The following LHFPL6 variants were observed in gnomAD, a reference collection of about 807,000 sequenced individuals.
The protein encoded by LHFPL6 is LHFPL tetraspan subfamily member 6, also known as LHFPL tetraspan subfamily member 6 protein.
Under a neutral mutation model 20.6 loss-of-function variants are expected in LHFPL6, and 9 were observed. The ratio of observed to expected loss-of-function variants is 0.44; its 90% CI spans 0.26 to 0.76. The LOEUF is 0.76. Among genes scored for constraint, LHFPL6 ranks in the 30% least tolerant of loss-of-function variants. The probability of loss-of-function intolerance (pLI) is 0.20; values close to 1 mark genes in which losing one functional copy is unlikely to be tolerated. For synonymous variants in LHFPL6, 105 were observed against 98.7 expected, an observed-to-expected ratio of 1.06 and a Z score of -0.38; for missense variants, 218 against 253.5, an observed-to-expected ratio of 0.86 and a Z score of 0.95.
chr13:39,587,144 T>G (rs1283353047), intron 2 of LHFPL6, among the ~76,000 whole-genome samples: 1 of 117,218 alleles, frequency 8.5e-6, no homozygotes, highest in Middle Eastern at 4.2e-3. Flanking sequence ...GCAATAAGAG[T>G]GAAACTCCGT....
At chr13:39,563,097 C>CACAT (rs1259373719) in intron 2 of LHFPL6, among the ~76,000 whole-genome samples, 4 of 42,994 alleles carry the variant, frequency 9.3e-5, no homozygotes, top group African/African-American at 7.2e-4. Context: ...TAGAAACACA[C>CACAT]ACACACACAC....
intron 2 of LHFPL6, among the ~76,000 whole-genome samples, chr13:39,573,677 C>A (rs900754504): frequency 2.7e-5 from 4 of 150,452 alleles, no homozygotes; most frequent in African/African-American, 9.8e-5. Flanking sequence ...TTGCCCCACA[C>A]AAAAGGGACT....
At chr13:39,405,196 T>TA (rs150431313) in intron 2 of LHFPL6, among the ~76,000 whole-genome samples, 10,660 of 152,310 alleles carry the variant, frequency 0.07, 410 homozygotes, top group Middle Eastern at 0.088. Context: ...ATGGACGGTC[T>TA]AATTTATAAA....
At chr13:39,452,919 T>C (rs113181195) in intron 2 of LHFPL6, among the ~76,000 whole-genome samples, 2 of 152,224 alleles carry the variant, frequency 1.3e-5, no homozygotes, top group Admixed American at 1.3e-4. Context: ...GTTTTGTCCA[T>C]CTGTCTCAGT....
chr13:39,477,935 A>T (rs1320868427), intron 2 of LHFPL6, among the ~76,000 whole-genome samples: 1 of 152,238 alleles, frequency 6.6e-6, no homozygotes, highest in Non-Finnish European at 1.5e-5. Flanking sequence ...TCATGGTTAA[A>T]CTTATCCAAA....
chr13:39,519,784 C>T (rs1338399254), intron 2 of LHFPL6, among the ~76,000 whole-genome samples: 5 of 152,102 alleles, frequency 3.3e-5, no homozygotes, highest in Non-Finnish European at 7.3e-5. Flanking sequence ...TCCTAATTCC[C>T]AGACTTCTAG....
chr13:39,380,826 T>C (rs112032966), intron 2 of LHFPL6, among the ~76,000 whole-genome samples: 1,556 of 152,164 alleles, frequency 0.01, 22 homozygotes, highest in African/African-American at 0.035. Context: ...ACGAACCCTA[T>C]TGTGAACTAT....
At chr13:39,452,736 G>T (rs1189800952) in intron 2 of LHFPL6, among the ~76,000 whole-genome samples, 8 of 152,220 alleles carry the variant, frequency 5.3e-5, no homozygotes, top group African/African-American at 1.9e-4. Flanking sequence ...AGGAAGAGCC[G>T]CAAGAATAAT....
At position 39,562,369 on chromosome 13, in the gene LHFPL6, T is replaced by TTTATACAC. The variant is rs1566141866; in HGVS notation, c.385+38462_385+38463insGTGTATAA. On this transcript the variant is annotated intron_variant, in intron 2 of 3. Transcript: ENST00000379589. ...ATATATACATATATATACATATACA[T>TTTATACAC]ATATACATATATACATATACATATA... 3.0e-5 allele frequency among the ~76,000 whole-genome samples: 3 copies of TTTATACAC among 98,770 alleles called. No individual in the cohort carries two copies. In the East Asian group the frequency reaches 1.7e-3, roughly 55 times the overall value. The allele number at this position is 98,770 out of a possible 152,430, so 64.8% of individuals were successfully genotyped here. A position where few individuals can be genotyped will look rare whatever the true frequency, so the allele number is the denominator to read the frequency against.
rs1593345033 is a variant in LHFPL6, at chr13:39,515,856, T to A, written c.385+84976A>T. Among the ~76,000 whole-genome samples the A allele has an allele frequency of 2.0e-5, 3 of 152,170 alleles. No individual in the cohort carries two copies. In the South Asian group the frequency reaches 6.2e-4, roughly 32 times the overall value. On this transcript the variant is annotated intron_variant, in intron 2 of 3. Transcript: ENST00000379589. Reference sequence around the variant, plus strand: ...AATAATAAAAACTATTTGTTTTCATTAAAAAAGAAAATTACTATGGAAATA... The same window carrying A: ...AATAATAAAAACTATTTGTTTTCATAAAAAAAGAAAATTACTATGGAAATA...
At chr13:39,462,976 C>G (rs896428462) in intron 2 of LHFPL6, among the ~76,000 whole-genome samples, 3 of 152,100 alleles carry the variant, frequency 2.0e-5, no homozygotes, top group African/African-American at 7.2e-5. Flanking sequence ...AAAAGGGTGC[C>G]ATGAACATGT....
intron 2 of LHFPL6, among the ~76,000 whole-genome samples, chr13:39,385,910 AG>A (rs1255020556): frequency 5.9e-5 from 9 of 152,274 alleles, no homozygotes; most frequent in African/African-American, 2.2e-4. Flanking sequence ...ACTTTTTTCC[AG>A]GACTATGGCT....
intron 3 of LHFPL6, among the ~76,000 whole-genome samples, chr13:39,350,515 A>T (rs1019283168): frequency 6.6e-6 from 1 of 152,228 alleles, no homozygotes; most frequent in Non-Finnish European, 1.5e-5. Context: ...ATACAGGGCC[A>T]TTCTTCCATG....
chr13:39,452,422 T>G (rs1204654874), intron 2 of LHFPL6, among the ~76,000 whole-genome samples: 1 of 152,122 alleles, frequency 6.6e-6, no homozygotes, highest in African/African-American at 2.4e-5. Flanking sequence ...AGACTTCAAC[T>G]TAGAGAAGAG....
intron 2 of LHFPL6, among the ~76,000 whole-genome samples, chr13:39,392,687 A>G (rs1870740322): frequency 6.6e-6 from 1 of 152,306 alleles, no homozygotes; most frequent in African/African-American, 2.4e-5. Context: ...ACTCATTTTC[A>G]GCCTGATCTT....
At chr13:39,530,377 C>T (rs188293640) in intron 2 of LHFPL6, among the ~76,000 whole-genome samples, 15 of 151,984 alleles carry the variant, frequency 9.9e-5, no homozygotes, top group Non-Finnish European at 1.9e-4. Context: ...AAGAGAGGTG[C>T]CTGGAGGTAT....
chr13:39,404,070 T>A (rs4941926), intron 2 of LHFPL6, among the ~76,000 whole-genome samples: 104,350 of 152,102 alleles, frequency 0.69, 36,388 homozygotes, highest in Admixed American at 0.78. Context: ...TTTGTGGAGC[T>A]CAAGGAACAC....
intron 2 of LHFPL6, among the ~76,000 whole-genome samples, chr13:39,569,690 A>G (rs1036865368): frequency 1.3e-5 from 2 of 152,226 alleles, no homozygotes; most frequent in Non-Finnish European, 1.5e-5. Context: ...ATCAAAATGG[A>G]AAAGTCAAGT....
intron 2 of LHFPL6, among the ~76,000 whole-genome samples, chr13:39,572,151 C>G (rs1220681426): frequency 2.6e-5 from 4 of 152,190 alleles, no homozygotes; most frequent in Non-Finnish European, 4.4e-5. Context: ...AATCAGATAG[C>G]AACGTAGTAA....
Sources: gnomAD v4.1 joint callset for allele counts (sites outside exome capture counted in the v4.1 genomes callset) on GRCh38, gnomAD v4.1.1 for gene constraint, MANE v1.5 for transcripts, NCBI Gene and HGNC (gene_info 2026-07-23, HGNC 2026-07-21) for gene names.